RHEB: variants seen among roughly 807,000 people sequenced by gnomAD.
RHEB encodes Ras homolog, mTORC1 binding.
In RHEB, 2 loss-of-function variants were observed where a neutral mutation model predicts 28.8. The observed-to-expected ratio is 0.07, with a 90% CI of 0.03 to 0.22. The LOEUF (loss-of-function observed/expected upper bound fraction) is 0.22, where lower values mean the gene tolerates loss of function less well. RHEB is among the 10% of genes least tolerant of loss of function. The pLI is 1.00. For synonymous variants in RHEB, 69 were observed against 77.3 expected, an observed-to-expected ratio of 0.89 and a Z score of 0.56; for missense variants, 76 against 219.9, an observed-to-expected ratio of 0.35 and a Z score of 4.14.
chr7:151,472,920 C>T lies in RHEB; in HGVS notation c.276-1315G>A, dbSNP rs1802189017. Among the ~76,000 whole-genome samples the T allele has an allele frequency of 6.6e-6, 1 of 152,234 alleles. No homozygotes were observed. Among genetic ancestry groups the T allele is most frequent in the Non-Finnish European group, 1.5e-5 (1 of 68,044 alleles). ...AAGGACCTGCGGTTGCATTACAGAA[C>T]CACGGTTTCCTCCGCATGCTGTATT... On this transcript the variant is annotated intron_variant, in intron 4 of 7. Transcript: ENST00000262187. This position sits in a 1 kb window ranked among gnomAD's most constrained non-coding sequence, Gnocchi z 5.2.
intron 3 of RHEB, 132 bp downstream of exon 3, chr7:151,484,605 T>G: frequency 1.6e-6 from 1 of 640,390 alleles, no homozygotes; most frequent in East Asian, 2.7e-5. Context: ...AGCCAAACCA[T>G]TGGGAGTCAG....
At chr7:151,515,249 C>T (rs1178824608) in intron 1 of RHEB, among the ~76,000 whole-genome samples, 1 of 152,142 alleles carries the variant, frequency 6.6e-6, no homozygotes, top group Non-Finnish European at 1.5e-5. Flanking sequence ...CCCCAGAAGA[C>T]CACATATGTA....
Position 151,467,008 on chromosome 7 carries a change from T to C in RHEB, c.*111A>G, listed in dbSNP as rs1802075162. 2 of 741,744 alleles carry C rather than the reference T, an allele frequency of 2.7e-6. No homozygotes were observed. Among genetic ancestry groups the C allele is most frequent in the Middle Eastern group, 3.8e-4 (1 of 2,622 alleles). The allele number at this position is 741,744 out of a possible 1,614,324, so 45.9% of individuals were successfully genotyped here. A position where few individuals can be genotyped will look rare whatever the true frequency, so the allele number is the denominator to read the frequency against. On this transcript the variant is annotated 3_prime_UTR_variant, in exon 8 of 8. Transcript: ENST00000262187. ...GAGGGGAGCTCTGACCCAAATGATA[T>C]CTTTCAGGTTAACAGAAGAAAAAAG... is the stretch of plus-strand genomic sequence containing the variant.
intron 2 of RHEB, among the ~76,000 whole-genome samples, chr7:151,490,322 A>C (rs1463716811): frequency 6.6e-6 from 1 of 152,250 alleles, no homozygotes; most frequent in East Asian, 1.9e-4. Context: ...CCTAGAATCC[A>C]TCAGGAATAT....
intron 1 of RHEB, chr7:151,519,149 A>C (rs1803135313): frequency 6.4e-6 from 1 of 156,940 alleles, no homozygotes; most frequent in Non-Finnish European, 1.4e-5. Flanking sequence ...GCGCCGCCTC[A>C]CTTCCCCAGA....
intron 1 of RHEB, among the ~76,000 whole-genome samples, chr7:151,504,399 A>G (rs1802829832): frequency 1.3e-5 from 2 of 152,112 alleles, no homozygotes; most frequent in Admixed American, 1.3e-4. Context: ...GGATAGCAAA[A>G]TCCGAGTGTG....
At chr7:151,476,666 T>C (rs1257821467) in intron 4 of RHEB, among the ~76,000 whole-genome samples, 1 of 152,248 alleles carries the variant, frequency 6.6e-6, no homozygotes, top group Non-Finnish European at 1.5e-5. Flanking sequence ...CAATAGATGC[T>C]ACGTAGCCAC....
intron 3 of RHEB, among the ~76,000 whole-genome samples, chr7:151,479,597 G>C (rs910486595): frequency 6.6e-6 from 1 of 151,590 alleles, no homozygotes; most frequent in East Asian, 1.9e-4. Flanking sequence ...GCAGGAGAAT[G>C]GTGTGAACCT....
At chr7:151,498,466 T>C (rs527732669) in intron 1 of RHEB, among the ~76,000 whole-genome samples, 1 of 151,286 alleles carries the variant, frequency 6.6e-6, no homozygotes, top group East Asian at 1.9e-4. Context: ...ATAAAAAAAA[T>C]ACAAAAAAAA....
chr7:151,502,488 CAGA>C (rs1472742433), intron 1 of RHEB: 5 of 902,834 alleles, frequency 5.5e-6, no homozygotes, highest in South Asian at 2.6e-5. Context: ...ACAACTGTAA[CAGA>C]AGAAGGAAAG....
chr7:151,495,900 G>A (rs1052362409), intron 1 of RHEB, among the ~76,000 whole-genome samples: 4 of 152,176 alleles, frequency 2.6e-5, no homozygotes, highest in South Asian at 2.1e-4. Context: ...TGCAGTGTGC[G>A]TTGAGCGTGC....
rs146509587 is a variant in RHEB at position 151,467,294 on chromosome 7, G to A, written c.463-83C>T. The A allele has an allele frequency of 1.3e-4, 125 of 975,998 alleles. 3 individuals are homozygous for A. The highest frequency in any genetic ancestry group is 1.2e-3 in the African/African-American group (76 of 62,378). 60.5% of individuals were successfully genotyped at this position (975,998 alleles called of 1,614,324 possible). The stretch of plus-strand genomic sequence containing the variant: ...TTTTACGGACTGAGGAGGGCGTGCC[G>A]CCTGCCCTGCCCTCCTACTGGTGGA... On this transcript the variant is annotated intron_variant, in intron 7 of 7. Transcript: ENST00000262187.
At chr7:151,470,768 C>A in intron 6 of RHEB, 116 bp from the exon 7 acceptor site, 1 of 661,624 alleles carries the variant, frequency 1.5e-6, no homozygotes, top group South Asian at 1.9e-5. Flanking sequence ...TGAAGCAGAA[C>A]CATGCCCTGG....
At position 151,468,539 on chromosome 7, in the gene RHEB, C is replaced by T. The variant is rs1250059077; in HGVS notation, c.463-1328G>A. Among the ~76,000 whole-genome samples the T allele has an allele frequency of 2.6e-5, 4 of 152,246 alleles. No individual in the cohort carries two copies. The highest frequency in any genetic ancestry group is 2.0e-4 in the Admixed American group (3 of 15,282). On this transcript the variant is annotated intron_variant, in intron 7 of 7. Coordinates refer to ENST00000262187, the MANE Select transcript of RHEB (RefSeq NM_005614.4). This position sits in a 1 kb window ranked among gnomAD's most constrained non-coding sequence, Gnocchi z 4.3. ...CCTGCATCCCTGGATCTGGGCACTC[C>T]CCAGAGAAAGCATCCACGCCTTGTC...
intron 1 of RHEB, among the ~76,000 whole-genome samples, chr7:151,505,994 T>C (rs1486768372): frequency 6.6e-6 from 1 of 151,996 alleles, no homozygotes; most frequent in African/African-American, 2.4e-5. Context: ...GGGTAGGGCG[T>C]GAGGGACATG....
intron 1 of RHEB, among the ~76,000 whole-genome samples, chr7:151,503,900 C>T (rs907204826): frequency 9.2e-5 from 14 of 152,060 alleles, no homozygotes; most frequent in Admixed American, 6.5e-4. Flanking sequence ...TAAATTGCTG[C>T]ATTTCGCAGT....
At position 151,471,622 on chromosome 7, in the gene RHEB, A is replaced by G. The variant is rs1241636215; in HGVS notation, c.276-17T>C. ...ACTTCAAAACTATAAAACAAAAAGTATAAATTAGACATCCATTTTAATGTT... is the reference window on the plus strand; with the variant it reads ...ACTTCAAAACTATAAAACAAAAAGTGTAAATTAGACATCCATTTTAATGTT... On this transcript the variant is annotated splice_polypyrimidine_tract_variant and intron_variant, in intron 4 of 7. Transcript: ENST00000262187. The G allele has an allele frequency of 6.6e-7, 1 of 1,508,262 alleles. No homozygotes were observed. Among genetic ancestry groups the G allele is most frequent in the South Asian group, 1.2e-5 (1 of 83,258 alleles). The allele number at this position is 1,508,262 out of a possible 1,614,324, so 93.4% of individuals were successfully genotyped here.
chr7:151,511,332 G>T (rs1802984810), intron 1 of RHEB, among the ~76,000 whole-genome samples: 1 of 152,200 alleles, frequency 6.6e-6, no homozygotes, highest in African/African-American at 2.4e-5. Flanking sequence ...TCCATGAGGA[G>T]TCCTTCTGCA....
intron 1 of RHEB, among the ~76,000 whole-genome samples, chr7:151,517,322 C>T (rs985945904): frequency 1.6e-4 from 24 of 148,798 alleles, no homozygotes; most frequent in African/African-American, 5.7e-4. Context: ...GAGCCGAGAT[C>T]GCGCCATTGC....
Sources: allele counts gnomAD v4.1 joint callset (sites outside exome capture counted in the v4.1 genomes callset), GRCh38; gene constraint gnomAD v4.1.1; non-coding constraint Gnocchi (gnomAD v3.1); transcripts MANE v1.5; gene names NCBI Gene and HGNC (gene_info 2026-07-23, HGNC 2026-07-21).